The following ALDH6A1 variants were observed in gnomAD, a reference collection of about 807,000 sequenced individuals.
ALDH6A1 encodes aldehyde dehydrogenase 6 family member A1, also known as methylmalonate-semialdehyde/malonate-semialdehyde dehydrogenase [acylating], mitochondrial.
ALDH6A1 carries 43 observed loss-of-function variants against 62.6 expected under a neutral mutation model. That is an observed-to-expected ratio of 0.69 (90% CI 0.54 to 0.89). The LOEUF (loss-of-function observed/expected upper bound fraction) is 0.89. Ranked by LOEUF, ALDH6A1 falls within the 40% of genes least tolerant of loss-of-function variation. The probability of loss-of-function intolerance (pLI) is 0.00; values close to 1 mark genes in which losing one functional copy is unlikely to be tolerated. For missense variants in ALDH6A1, 551 were observed against 661.3 expected, an observed-to-expected ratio of 0.83 and a Z score of 1.83; for synonymous variants, 194 against 234.2, an observed-to-expected ratio of 0.83 and a Z score of 1.57.
At chr14:74,071,635 T>G in intron 5 of ALDH6A1, 138 bp from the exon 6 acceptor site, 1 of 1,555,838 alleles carries the variant, frequency 6.4e-7, no homozygotes, top group Non-Finnish European at 8.7e-7. Context: ...CCTTCCAAGT[T>G]AAGGGTTTGT....
chr14:74,059,333 ATT>A lies in ALDH6A1; in HGVS notation c.*1307_*1308del. ...TTTGCTTAAGGCAGGTGTCTTACCCATTTTCATGGTTGGAACAATCCTTGATT... is the reference window on the plus strand; with the variant it reads ...TTTGCTTAAGGCAGGTGTCTTACCCATTCATGGTTGGAACAATCCTTGATT... On this transcript the variant is annotated 3_prime_UTR_variant, in exon 12 of 12. Coordinates refer to ENST00000553458, the MANE Select transcript of ALDH6A1 (RefSeq NM_005589.4). 1 of 455,978 alleles carries A rather than the reference ATT, an allele frequency of 2.2e-6. No homozygotes were observed. Among genetic ancestry groups the A allele is most frequent in the South Asian group, 1.6e-5 (1 of 64,414 alleles). 28.2% of individuals were successfully genotyped at this position (455,978 alleles called of 1,614,324 possible).
At chr14:74,069,793 C>G (rs2060523667) in intron 6 of ALDH6A1, among the ~76,000 whole-genome samples, 1 of 150,614 alleles carries the variant, frequency 6.6e-6, no homozygotes, top group African/African-American at 2.4e-5. Flanking sequence ...TATTTAGTCT[C>G]TTTCCTTTCA....
chr14:74,078,054 A>C (rs2060632409), intron 1 of ALDH6A1: 2 of 376,652 alleles, frequency 5.3e-6, no homozygotes, highest in South Asian at 4.1e-5. Context: ...CTTGGGGAAC[A>C]TAACGAGACT....
intron 1 of ALDH6A1, among the ~76,000 whole-genome samples, chr14:74,077,897 T>TTA (rs1224469079): frequency 6.6e-6 from 1 of 152,154 alleles, no homozygotes; most frequent in Non-Finnish European, 1.5e-5. Context: ...GACTGTCCAG[T>TTA]TATAGAAAAG....
intron 6 of ALDH6A1, 189 bp from the exon 7 acceptor site, chr14:74,069,170 T>C: frequency 1.9e-6 from 1 of 519,788 alleles, no homozygotes; most frequent in South Asian, 2.1e-5. Flanking sequence ...AGTGGCACAA[T>C]TTCGGCTCAC....
At chr14:74,069,160 A>G in intron 6 of ALDH6A1, 179 bp from the exon 7 acceptor site, 1 of 576,710 alleles carries the variant, frequency 1.7e-6, no homozygotes, top group Non-Finnish European at 2.7e-6. Flanking sequence ...GCTGGAGTGC[A>G]GTGGCACAAT....
rs754371199 is a variant in ALDH6A1 at position 74,071,168 on chromosome 14, A to G, written c.730+27T>C. On this transcript the variant is annotated intron_variant, in intron 6 of 11. Coordinates refer to ENST00000553458, the MANE Select transcript of ALDH6A1 (RefSeq NM_005589.4). ...CCTTGATTTTTTGGTAGCCAGATTA[A>G]GTAGCCATATGCATAAGGGCAGTTA... 2.6e-4 allele frequency: 411 copies of G among 1,600,994 alleles called. 1 individual carries two copies. The highest frequency in any genetic ancestry group is 3.5e-4 in the Non-Finnish European group (405 of 1,168,386).
chr14:74,075,790 A>G (rs1236404012), intron 1 of ALDH6A1, among the ~76,000 whole-genome samples: 1 of 152,242 alleles, frequency 6.6e-6, no homozygotes, highest in Non-Finnish European at 1.5e-5. Context: ...TGTTCATAAG[A>G]ACTTTATTTG....
At chr14:74,066,611 C>CT in intron 9 of ALDH6A1, 94 bp downstream of exon 9, 1 of 1,240,714 alleles carries the variant, frequency 8.1e-7, no homozygotes, top group South Asian at 1.2e-5. Context: ...AGGTCTTAGT[C>CT]ATTAAGTATT....
chr14:74,076,632 G>A (rs776229858), intron 1 of ALDH6A1, among the ~76,000 whole-genome samples: 6 of 152,188 alleles, frequency 3.9e-5, no homozygotes, highest in African/African-American at 9.7e-5. Context: ...CACCTCCTGG[G>A]TTCAAGCTTT....
rs2060472504 is a variant in ALDH6A1, at chr14:74,066,719, T to A, written c.1210A>T (p.Ile404Phe). ...ENGNFVGPTIISNVKPNMTCY... is the reference protein window; with the variant it reads ...ENGNFVGPTIFSNVKPNMTCY... ...AAGTTGTTCACCTTGACATTCGAGATGATGGTTGGTCCAACAAAGTTGCCA... is the reference window on the plus strand; with the variant it reads ...AAGTTGTTCACCTTGACATTCGAGAAGATGGTTGGTCCAACAAAGTTGCCA... The change falls in exon 9 of 12, where the codon ATC (isoleucine) becomes TTC (phenylalanine). Residue 404 changes from isoleucine (I) to phenylalanine (F), a missense_variant. Ile to Phe is a conservative substitution (Grantham distance 21). Coordinates refer to ENST00000553458, the MANE Select transcript of ALDH6A1 (RefSeq NM_005589.4). The A allele has an allele frequency of 1.2e-6, 2 of 1,614,162 alleles. No homozygotes were observed. Among genetic ancestry groups the A allele is most frequent in the Non-Finnish European group, 1.7e-6 (2 of 1,180,014 alleles).
chr14:74,073,917 C>CA (rs5809643), intron 2 of ALDH6A1, among the ~76,000 whole-genome samples: 13,712 of 76,542 alleles, frequency 0.18, 1,247 homozygotes, highest in East Asian at 0.56. Flanking sequence ...GACTCCATCT[C>CA]AAAAAAAAAA....
chr14:74,084,263 G>T (rs2060700178), intron 1 of ALDH6A1, 84 bp downstream of exon 1: 27 of 1,596,722 alleles, frequency 1.7e-5, no homozygotes, highest in Non-Finnish European at 2.3e-5. Flanking sequence ...CCAAGAAGGT[G>T]GTCCCGCCCG....
chr14:74,065,953 T>C (rs954018604), intron 9 of ALDH6A1: 1 of 157,280 alleles, frequency 6.4e-6, no homozygotes, highest in South Asian at 1.9e-4. Context: ...TAATTTCTAC[T>C]GCACTTACAT....
At position 74,067,472 on chromosome 14, in the gene ALDH6A1, C is replaced by T. The variant is rs763539195; in HGVS notation, c.950G>A (p.Cys317Tyr). ...AAGGACTGCTGTTGAAAGAGCCATG[C>T]AGCGCTGACCAGCAGCTCCAAATGC... ...GAAFGAAGQR[C>Y]MALSTAVLVG... The change falls in exon 8 of 12, where the codon TGC (cysteine) becomes TAC (tyrosine). Residue 317 changes from cysteine (C) to tyrosine (Y), a missense_variant. Physicochemically the swap from Cys to Tyr is radical, Grantham distance 194. Transcript: ENST00000553458. 8 of 1,614,220 alleles carry T rather than the reference C, an allele frequency of 5.0e-6. No homozygotes were observed. The highest frequency in any genetic ancestry group is 1.7e-4 in the Middle Eastern group (1 of 6,060).
Position 74,058,607 on chromosome 14 carries a change from T to TG in ALDH6A1, c.*2034_*2035insC, listed in dbSNP as rs1292227079. 6.6e-6 allele frequency: 1 copy of TG among 151,836 alleles called. No homozygotes were observed. The highest frequency in any genetic ancestry group is 2.4e-5 in the African/African-American group (1 of 41,302). The allele number at this position is 151,836 out of a possible 1,614,324, so 9.4% of individuals were successfully genotyped here. On this transcript the variant is annotated 3_prime_UTR_variant, in exon 12 of 12. Coordinates refer to ENST00000553458, the MANE Select transcript of ALDH6A1 (RefSeq NM_005589.4). ...AACATTTTCAAGGTCTTTTTTTTTT[T>TG]TATCATACTTAATTCATGAATAACC...
At chr14:74,070,028 C>T (rs72725929) in intron 6 of ALDH6A1, among the ~76,000 whole-genome samples, 15,338 of 151,310 alleles carry the variant, frequency 0.1, 852 homozygotes, top group South Asian at 0.18. Context: ...TTTGTAGAGA[C>T]GGGGGTTTCG....
chr14:74,084,344 C>T lies in ALDH6A1; in HGVS notation c.48+3G>A, dbSNP rs1445872350. The stretch of plus-strand genomic sequence containing the variant: ...ATGGTGCCTTGGCACCACCCTCACT[C>T]GCCTGCAGGATCCGGGCTCGCACTG... On this transcript the variant is annotated splice_donor_region_variant and intron_variant, in intron 1 of 11. Coordinates refer to ENST00000553458, the MANE Select transcript of ALDH6A1 (RefSeq NM_005589.4). 1 of 1,613,632 alleles carries T rather than the reference C, an allele frequency of 6.2e-7. No individual in the cohort carries two copies. The highest frequency in any genetic ancestry group is 2.2e-5 in the East Asian group (1 of 44,890).
intron 11 of ALDH6A1, among the ~76,000 whole-genome samples, chr14:74,063,960 T>A (rs1259479335): frequency 6.6e-6 from 1 of 151,998 alleles, no homozygotes; most frequent in African/African-American, 2.4e-5. Flanking sequence ...GTTCCAGATC[T>A]GCTTTACTTT....
Sources: gnomAD v4.1 joint callset for allele counts (sites outside exome capture counted in the v4.1 genomes callset) on GRCh38, gnomAD v4.1.1 for gene constraint, MANE v1.5 for transcripts, NCBI Gene and HGNC (gene_info 2026-07-23, HGNC 2026-07-21) for gene names.